The following LRBA variants were observed in gnomAD, a reference collection of about 807,000 sequenced individuals.
LRBA encodes LPS responsive beige-like anchor protein.
In LRBA, 176 loss-of-function variants were observed where a neutral mutation model predicts 330.0. That is an observed-to-expected ratio of 0.53 (90% CI 0.47 to 0.60). The LOEUF (loss-of-function observed/expected upper bound fraction) is 0.60. LRBA is among the 20% of genes least tolerant of loss of function. LRBA has a pLI of 0.00. For missense variants in LRBA, 3,259 were observed against 3,444.8 expected (o/e 0.95, Z 1.35); for synonymous variants, 1,230 against 1,193.0 (o/e 1.03, Z -0.64).
intron 40 of LRBA, among the ~76,000 whole-genome samples, chr4:150,554,184 C>A (rs1285373338): frequency 6.6e-6 from 1 of 152,148 alleles, no homozygotes; most frequent in Non-Finnish European, 1.5e-5. Flanking sequence ...CCTTCCTGTA[C>A]CAATTTTGCC....
intron 24 of LRBA, among the ~76,000 whole-genome samples, chr4:150,849,881 T>G (rs1215017658): frequency 6.6e-6 from 1 of 152,148 alleles, no homozygotes; most frequent in African/African-American, 2.4e-5. Flanking sequence ...TGACAAAAAT[T>G]AGGAGGTAAA....
chr4:150,483,653 AAAAG>A (rs770191541), intron 42 of LRBA, among the ~76,000 whole-genome samples: 2 of 151,954 alleles, frequency 1.3e-5, no homozygotes, highest in Non-Finnish European at 2.9e-5. Flanking sequence ...ATTTCTTTAA[AAAAG>A]AAAGAAAGAA....
intron 46 of LRBA, among the ~76,000 whole-genome samples, chr4:150,422,002 G>T (rs2151965753): frequency 6.6e-6 from 1 of 152,268 alleles, no homozygotes; most frequent in Admixed American, 6.5e-5. Context: ...TCACACCTGT[G>T]GTCCCAACAT....
intron 11 of LRBA, among the ~76,000 whole-genome samples, chr4:150,907,726 T>C (rs192715547): frequency 1.1e-3 from 160 of 152,272 alleles, no homozygotes; most frequent in Middle Eastern, 3.4e-3. Flanking sequence ...CTAGAATATA[T>C]AGCCATGAGA....
At chr4:150,879,561 A>T (rs919780097) in intron 17 of LRBA, among the ~76,000 whole-genome samples, 9 of 151,984 alleles carry the variant, frequency 5.9e-5, no homozygotes, top group African/African-American at 2.2e-4. Context: ...CAAATAGGAC[A>T]AAAAAAATTC....
At chr4:150,807,853 T>A (rs1023100469) in intron 32 of LRBA, among the ~76,000 whole-genome samples, 3 of 152,164 alleles carry the variant, frequency 2.0e-5, no homozygotes, top group African/African-American at 7.2e-5. Flanking sequence ...TTTCACCATG[T>A]TGGCCAGGCT....
chr4:150,621,695 G>A (rs1225931495), intron 37 of LRBA, among the ~76,000 whole-genome samples: 1 of 152,152 alleles, frequency 6.6e-6, no homozygotes, highest in African/African-American at 2.4e-5. Context: ...ACACTTGCCT[G>A]TATGTTCAAA....
intron 51 of LRBA, chr4:150,311,248 A>G (rs1337621296): frequency 6.6e-6 from 1 of 152,188 alleles, no homozygotes; most frequent in East Asian, 1.9e-4. Flanking sequence ...CTTTGTTTCT[A>G]GTGATCTAAG....
intron 2 of LRBA, among the ~76,000 whole-genome samples, chr4:151,003,270 A>C (rs1305425875): frequency 6.6e-6 from 1 of 150,976 alleles, no homozygotes; most frequent in East Asian, 2.0e-4. Context: ...GGTGGCGCAC[A>C]CCTGTAATAC....
At chr4:150,871,809 G>A (rs1041907940) in intron 18 of LRBA, among the ~76,000 whole-genome samples, 5 of 151,988 alleles carry the variant, frequency 3.3e-5, no homozygotes, top group African/African-American at 1.2e-4. Context: ...ATCATCTAAA[G>A]CACAATAAAT....
At chr4:150,755,134 C>T (rs749444119) in intron 35 of LRBA, among the ~76,000 whole-genome samples, 1 of 152,126 alleles carries the variant, frequency 6.6e-6, no homozygotes, top group Non-Finnish European at 1.5e-5. Context: ...TATTAGTAAT[C>T]GTGCTATTCA....
intron 44 of LRBA, among the ~76,000 whole-genome samples, chr4:150,460,627 C>G (rs1754658526): frequency 6.6e-6 from 1 of 151,686 alleles, no homozygotes; most frequent in African/African-American, 2.4e-5. Context: ...GTCAATTTTC[C>G]TCTGATTCCT....
intron 22 of LRBA, among the ~76,000 whole-genome samples, chr4:150,853,470 G>A (rs1484328830): frequency 6.6e-6 from 1 of 152,086 alleles, no homozygotes. Context: ...TTAGCAATGG[G>A]AGAAAAAAGA....
intron 34 of LRBA, among the ~76,000 whole-genome samples, chr4:150,764,958 A>C (rs1321223066): frequency 6.6e-6 from 1 of 152,078 alleles, no homozygotes; most frequent in Non-Finnish European, 1.5e-5. Flanking sequence ...ACCACTTAGA[A>C]ATTTGCACAT....
intron 37 of LRBA, among the ~76,000 whole-genome samples, chr4:150,639,311 GT>G (rs1258626149): frequency 8.1e-6 from 1 of 123,580 alleles, no homozygotes; most frequent in Admixed American, 1.0e-4. Flanking sequence ...GTATACATAT[GT>G]AACTAACCTG....
At position 150,786,339 on chromosome 4, in the gene LRBA, G is replaced by A. The variant is rs544550889; in HGVS notation, c.5580+11742C>T. Among the ~76,000 whole-genome samples, 4 of 151,788 alleles carry A rather than the reference G, an allele frequency of 2.6e-5. No homozygotes were observed. In the East Asian group the frequency reaches 7.8e-4, roughly 29 times the overall value. ...GCTCACCGCAAGTTCCGCCTCCTGG[G>A]TTCAAGCTATTCTCCTGCCTCAGCC... On this transcript the variant is annotated intron_variant, in intron 34 of 56. Transcript: ENST00000651943.
At position 150,928,624 on chromosome 4, in the gene LRBA, C is replaced by T. The variant is rs1403175338; in HGVS notation, c.449-8G>A. 22 of 1,595,840 alleles carry T rather than the reference C, an allele frequency of 1.4e-5. No homozygotes were observed. Among genetic ancestry groups the T allele is most frequent in the Non-Finnish European group, 1.8e-5 (21 of 1,166,582 alleles). On this transcript the variant is annotated splice_polypyrimidine_tract_variant and splice_region_variant and intron_variant, in intron 3 of 56. Coordinates refer to ENST00000651943, the MANE Select transcript of LRBA (RefSeq NM_001364905.1). ...ACATGTCAACCAAAAGATCTGGAAA[C>T]AAAAGAAAACGATAAAATAACTCAG...
At chr4:150,976,036 G>T (rs1389186507) in intron 2 of LRBA, among the ~76,000 whole-genome samples, 1 of 151,900 alleles carries the variant, frequency 6.6e-6, no homozygotes, top group African/African-American at 2.4e-5. Context: ...TTAGCTGGGC[G>T]TGGCAGCACA....
At chr4:150,531,410 C>T (rs115323126) in intron 40 of LRBA, among the ~76,000 whole-genome samples, 190 of 152,316 alleles carry the variant, frequency 1.2e-3, no homozygotes, top group Non-Finnish European at 1.9e-3. Context: ...AGACAGTCCT[C>T]ATGGCTTCTT....
Sources: allele counts gnomAD v4.1 joint callset (sites outside exome capture counted in the v4.1 genomes callset), GRCh38; gene constraint gnomAD v4.1.1; transcripts MANE v1.5; gene names NCBI Gene and HGNC (gene_info 2026-07-23, HGNC 2026-07-21).